Variants in OPCML observed in about 807,000 individuals in gnomAD.
The protein encoded by OPCML is opioid-binding protein/cell adhesion molecule.
OPCML carries 13 observed loss-of-function variants against 37.8 expected under a neutral mutation model. That is an observed-to-expected ratio of 0.34 (90% CI 0.22 to 0.55). The LOEUF is 0.55. OPCML is among the 20% of genes least tolerant of loss of function. The pLI is 0.91. For synonymous variants in OPCML, 176 were observed against 168.8 expected (o/e 1.04, Z -0.33); for missense variants, 341 against 435.6 (o/e 0.78, Z 1.93).
At chr11:133,338,496 C>G (rs1156570586) in intron 1 of OPCML, among the ~76,000 whole-genome samples, 2 of 152,182 alleles carry the variant, frequency 1.3e-5, no homozygotes, top group Non-Finnish European at 2.9e-5. Flanking sequence ...TTGCCTTCCT[C>G]TCCTATAAAG....
intron 3 of OPCML, among the ~76,000 whole-genome samples, chr11:132,538,858 T>C (rs2096347911): frequency 6.6e-6 from 1 of 152,178 alleles, no homozygotes; most frequent in South Asian, 2.1e-4. Flanking sequence ...TCCACACTTT[T>C]GCATGTGCTG....
chr11:133,425,115 A>G (rs557118104), intron 1 of OPCML, among the ~76,000 whole-genome samples: 4 of 152,264 alleles, frequency 2.6e-5, no homozygotes, highest in South Asian at 2.1e-4. Context: ...GAATCATCCA[A>G]TTGTTTACTC....
At chr11:132,827,296 A>G (rs886619216) in intron 2 of OPCML, among the ~76,000 whole-genome samples, 1 of 152,234 alleles carries the variant, frequency 6.6e-6, no homozygotes, top group Non-Finnish European at 1.5e-5. Flanking sequence ...ACAGATATCA[A>G]ATAAGTATAT....
chr11:132,797,836 T>C (rs546516858), intron 2 of OPCML, among the ~76,000 whole-genome samples: 1 of 152,308 alleles, frequency 6.6e-6, no homozygotes, highest in South Asian at 2.1e-4. Flanking sequence ...GAGTCTTTCA[T>C]GATGTTGATG....
chr11:132,428,797 A>G (rs2095986503), intron 7 of OPCML, among the ~76,000 whole-genome samples: 1 of 152,216 alleles, frequency 6.6e-6, no homozygotes, highest in Admixed American at 6.5e-5. Context: ...GAAAAATGAT[A>G]ACAATATCAA....
chr11:133,060,545 T>C (rs1214759464), intron 1 of OPCML, among the ~76,000 whole-genome samples: 2 of 152,130 alleles, frequency 1.3e-5, no homozygotes, highest in East Asian at 3.9e-4. Flanking sequence ...AGAGAGACAG[T>C]AGGTGCAGGC....
At chr11:133,079,839 G>C (rs1482845438) in intron 1 of OPCML, among the ~76,000 whole-genome samples, 1 of 152,102 alleles carries the variant, frequency 6.6e-6, no homozygotes, top group Non-Finnish European at 1.5e-5. Flanking sequence ...CCTGCTGCAG[G>C]CTCTGCCTTT....
chr11:132,480,349 T>C (rs981868991), intron 4 of OPCML, among the ~76,000 whole-genome samples: 3 of 152,066 alleles, frequency 2.0e-5, no homozygotes, highest in Admixed American at 6.6e-5. Flanking sequence ...AGTAAAGCCT[T>C]GAAGAAATAT....
chr11:132,586,626 G>C lies in OPCML; in HGVS notation c.380-57440C>G, dbSNP rs4636683. Among the ~76,000 whole-genome samples, 57 of 152,274 alleles carry C rather than the reference G, an allele frequency of 3.7e-4. No homozygotes were observed. The East Asian group carries it at 0.01, about 27-fold the overall frequency. ...TACGACAACTCTCCAGCTTTCTGAC[G>C]TATTCCAAAGGGACACAGACTGCCT... On this transcript the variant is annotated intron_variant, in intron 3 of 7. Coordinates refer to ENST00000524381, the MANE Select transcript of OPCML (RefSeq NM_001012393.5).
intron 1 of OPCML, among the ~76,000 whole-genome samples, chr11:133,245,323 G>C (rs1375293765): frequency 6.6e-6 from 1 of 152,180 alleles, no homozygotes; most frequent in Non-Finnish European, 1.5e-5. Flanking sequence ...GTTCTTTACA[G>C]TTAACTTTTA....
chr11:133,499,749 C>A (rs186298344), intron 1 of OPCML, among the ~76,000 whole-genome samples: 1 of 146,470 alleles, frequency 6.8e-6, no homozygotes, highest in Non-Finnish European at 1.5e-5. Flanking sequence ...AACAAATGAC[C>A]AACACCACCA....
intron 3 of OPCML, among the ~76,000 whole-genome samples, chr11:132,636,752 G>A (rs893818703): frequency 6.6e-6 from 1 of 152,146 alleles, no homozygotes; most frequent in African/African-American, 2.4e-5. Flanking sequence ...ACCCTGCTCT[G>A]TTCCCCTGGG....
At chr11:132,667,572 C>T (rs1397657430) in intron 2 of OPCML, among the ~76,000 whole-genome samples, 1 of 152,094 alleles carries the variant, frequency 6.6e-6, no homozygotes, top group Non-Finnish European at 1.5e-5. Flanking sequence ...AGTGAGAAAA[C>T]ATTAGATATA....
At chr11:133,327,107 T>C in intron 1 of OPCML, among the ~76,000 whole-genome samples, 1 of 38,542 alleles carries the variant, frequency 2.6e-5, no homozygotes, top group East Asian at 8.0e-4. Context: ...TGTGTGTATG[T>C]GGGGGGAGGG....
At chr11:133,420,312 A>G (rs1945861152) in intron 1 of OPCML, 2 of 985,422 alleles carry the variant, frequency 2.0e-6, no homozygotes, top group Non-Finnish European at 2.4e-6. Flanking sequence ...AATTAATCCT[A>G]GCCATGGAGA....
intron 1 of OPCML, among the ~76,000 whole-genome samples, chr11:133,454,221 C>T (rs1489776060): frequency 6.6e-6 from 1 of 152,096 alleles, no homozygotes; most frequent in African/African-American, 2.4e-5. Flanking sequence ...AATCTGAGTT[C>T]TAAAAATTCA....
At chr11:132,919,534 A>G (rs1944718202) in intron 2 of OPCML, among the ~76,000 whole-genome samples, 1 of 152,174 alleles carries the variant, frequency 6.6e-6, no homozygotes, top group Non-Finnish European at 1.5e-5. Flanking sequence ...AATCACAGAA[A>G]GCAGTGTTGG....
chr11:132,778,966 T>TC (rs1946900826), intron 2 of OPCML, among the ~76,000 whole-genome samples: 1 of 142,986 alleles, frequency 7.0e-6, no homozygotes. Context: ...TATTTCTTTT[T>TC]TTTTTTTTTT....
At chr11:133,387,008 T>C (rs1295830712) in intron 1 of OPCML, among the ~76,000 whole-genome samples, 6 of 152,214 alleles carry the variant, frequency 3.9e-5, no homozygotes, top group Non-Finnish European at 7.3e-5. Flanking sequence ...GCACATTGTA[T>C]AGGTCAGTCA....
Sources: gnomAD v4.1 joint callset for allele counts (sites outside exome capture counted in the v4.1 genomes callset) on GRCh38, gnomAD v4.1.1 for gene constraint, MANE v1.5 for transcripts, NCBI Gene and HGNC (gene_info 2026-07-23, HGNC 2026-07-21) for gene names.